SESTD1: variants seen among roughly 807,000 people sequenced by gnomAD.
The protein encoded by SESTD1 is SEC14 and spectrin domain containing 1.
In SESTD1, 43 loss-of-function variants were observed where a neutral mutation model predicts 101.7. The ratio of observed to expected loss-of-function variants is 0.42; its 90% CI spans 0.33 to 0.55. SESTD1 has a LOEUF of 0.55. Among genes scored for constraint, SESTD1 ranks in the 20% least tolerant of loss-of-function variants. The probability of loss-of-function intolerance (pLI) is 0.07; values close to 1 mark genes in which losing one functional copy is unlikely to be tolerated. For missense variants in SESTD1, 647 were observed against 815.1 expected (o/e 0.79, Z 2.51); for synonymous variants, 283 against 286.8 (o/e 0.99, Z 0.13).
At chr2:179,167,088 G>A (rs2045848337) in intron 5 of SESTD1, among the ~76,000 whole-genome samples, 1 of 152,206 alleles carries the variant, frequency 6.6e-6, no homozygotes, top group Non-Finnish European at 1.5e-5. Context: ...GAGTAAGACA[G>A]ATGCAGATAT....
At position 179,117,574 on chromosome 2, in the gene SESTD1, A is replaced by C. The variant is rs751625156; in HGVS notation, c.1482T>G (p.Leu494=). The change falls in exon 14 of 18, where the codon CTT becomes CTG. Residue 494 remains leucine (L), a synonymous_variant. Transcript: ENST00000428443. ...DMVDVRRLKM[L]QMVQLFKCEE... ...CACATTTAAACAACTGCACCATCTG[A>C]AGCATCTTTAACCTTCGCACATCTA... The C allele has an allele frequency of 6.3e-7, 1 of 1,586,082 alleles. No individual in the cohort carries two copies. Among genetic ancestry groups the C allele is most frequent in the Admixed American group, 1.9e-5 (1 of 53,306 alleles).
At chr2:179,235,489 G>A (rs541866937) in intron 1 of SESTD1, among the ~76,000 whole-genome samples, 7 of 152,128 alleles carry the variant, frequency 4.6e-5, no homozygotes, top group Non-Finnish European at 8.8e-5. Context: ...GCTTTTCTAC[G>A]TTATTTCTCA....
chr2:179,187,946 T>C (rs1227148989), intron 2 of SESTD1, among the ~76,000 whole-genome samples: 2 of 152,178 alleles, frequency 1.3e-5, no homozygotes, highest in Non-Finnish European at 2.9e-5. Context: ...AAAGTAATTC[T>C]GGACCTACAA....
At chr2:179,260,398 C>A (rs2047465932) in intron 1 of SESTD1, among the ~76,000 whole-genome samples, 1 of 152,172 alleles carries the variant, frequency 6.6e-6, no homozygotes, top group Non-Finnish European at 1.5e-5. Flanking sequence ...TGCCTGTACT[C>A]TCAGCCACCT....
At chr2:179,187,408 T>C (rs1424505360) in intron 2 of SESTD1, among the ~76,000 whole-genome samples, 1 of 152,188 alleles carries the variant, frequency 6.6e-6, no homozygotes, top group Non-Finnish European at 1.5e-5. Flanking sequence ...AAGGATCACT[T>C]GAGCCCAGGA....
intron 10 of SESTD1, among the ~76,000 whole-genome samples, chr2:179,124,855 G>A (rs2044834058): frequency 6.6e-6 from 1 of 152,000 alleles, no homozygotes; most frequent in African/African-American, 2.4e-5. Flanking sequence ...CCTGAAGGTG[G>A]GTTTGGGTGC....
chr2:179,110,306 T>A (rs900978380), intron 17 of SESTD1, among the ~76,000 whole-genome samples: 3 of 152,130 alleles, frequency 2.0e-5, no homozygotes, highest in Admixed American at 2.0e-4. Flanking sequence ...AATTGAACAA[T>A]GAAACACTGG....
intron 13 of SESTD1, among the ~76,000 whole-genome samples, chr2:179,120,557 T>C (rs2044727396): frequency 6.6e-6 from 1 of 152,174 alleles, no homozygotes; most frequent in African/African-American, 2.4e-5. Context: ...AGAAGGATCA[T>C]AAATGTGTTT....
At chr2:179,149,159 G>A (rs1272968801) in intron 7 of SESTD1, 138 bp downstream of exon 7, 13 of 446,418 alleles carry the variant, frequency 2.9e-5, no homozygotes, top group Admixed American at 4.9e-5. Context: ...AAATTCTCAC[G>A]AATATTGTAC....
Position 179,132,438 on chromosome 2 carries a change from A to G in SESTD1, c.850-12T>C. On this transcript the variant is annotated splice_polypyrimidine_tract_variant and intron_variant, in intron 9 of 17. Transcript: ENST00000428443. ...AGCCAGTTCACCACCTATAAACAAA[A>G]GTTGAGATAACATTTTTTAAAGAAT... 1 of 1,526,548 alleles carries G rather than the reference A, an allele frequency of 6.6e-7. No homozygotes were observed. Among genetic ancestry groups the G allele is most frequent in the Non-Finnish European group, 8.7e-7 (1 of 1,154,950 alleles). 94.6% of individuals were successfully genotyped at this position (1,526,548 alleles called of 1,614,324 possible).
At chr2:179,178,085 T>C (rs1400517394) in intron 3 of SESTD1, among the ~76,000 whole-genome samples, 2 of 152,152 alleles carry the variant, frequency 1.3e-5, no homozygotes, top group Non-Finnish European at 2.9e-5. Context: ...ACAGTTTATT[T>C]TGGGCTGATA....
At chr2:179,118,525 C>T (rs2044682556) in intron 13 of SESTD1, among the ~76,000 whole-genome samples, 1 of 151,456 alleles carries the variant, frequency 6.6e-6, no homozygotes, top group East Asian at 1.9e-4. Context: ...AGCTTAATAA[C>T]AATATAGAAG....
intron 1 of SESTD1, among the ~76,000 whole-genome samples, chr2:179,244,539 C>T (rs1369971114): frequency 2.0e-5 from 3 of 150,054 alleles, no homozygotes; most frequent in Admixed American, 1.3e-4. Flanking sequence ...TGAAGCAAGA[C>T]TATCAACCCA....
Position 179,134,603 on chromosome 2 carries a change from GT to G in SESTD1, c.850-2178del, listed in dbSNP as rs549749358. Among the ~76,000 whole-genome samples the G allele has an allele frequency of 4.5e-3, 676 of 151,078 alleles. 4 individuals are homozygous for G. Among genetic ancestry groups the G allele is most frequent in the African/African-American group, 0.015 (615 of 41,170 alleles). ...CACATATATAGCAGTTATATATAATGTTTTTTTTTCTCTGTTTTATTTTCCC... is the reference window on the plus strand; with the variant it reads ...CACATATATAGCAGTTATATATAATGTTTTTTTTCTCTGTTTTATTTTCCC... On this transcript the variant is annotated intron_variant, in intron 9 of 17. Coordinates refer to ENST00000428443, the MANE Select transcript of SESTD1 (RefSeq NM_178123.5).
At chr2:179,242,353 T>C (rs758591608) in intron 1 of SESTD1, among the ~76,000 whole-genome samples, 3 of 152,198 alleles carry the variant, frequency 2.0e-5, no homozygotes, top group African/African-American at 4.8e-5. Flanking sequence ...TGTTCATGAA[T>C]TGGAAGAATC....
chr2:179,130,397 G>A (rs1471280213), intron 10 of SESTD1, among the ~76,000 whole-genome samples: 3 of 151,886 alleles, frequency 2.0e-5, no homozygotes, highest in Admixed American at 1.3e-4. Flanking sequence ...ACATGGGAAG[G>A]GCCACCCTTA....
At chr2:179,136,746 A>C (rs891572566) in intron 9 of SESTD1, among the ~76,000 whole-genome samples, 1 of 152,218 alleles carries the variant, frequency 6.6e-6, no homozygotes, top group Non-Finnish European at 1.5e-5. Context: ...GAAACAAAAG[A>C]AGCAGGTTAA....
At chr2:179,138,580 A>G (rs2045207033) in intron 9 of SESTD1, among the ~76,000 whole-genome samples, 1 of 152,316 alleles carries the variant, frequency 6.6e-6, no homozygotes, top group Non-Finnish European at 1.5e-5. Flanking sequence ...TCAGGCTTGT[A>G]TGCCTGCTAA....
chr2:179,176,796 A>G (rs1458239309), intron 3 of SESTD1, among the ~76,000 whole-genome samples: 1 of 152,248 alleles, frequency 6.6e-6, no homozygotes, highest in East Asian at 1.9e-4. Flanking sequence ...ATAAAAGTCA[A>G]TGTCTTAAAA....
Sources: allele counts gnomAD v4.1 joint callset (sites outside exome capture counted in the v4.1 genomes callset), GRCh38; gene constraint gnomAD v4.1.1; transcripts MANE v1.5; gene names NCBI Gene and HGNC (gene_info 2026-07-23, HGNC 2026-07-21).